The following MARK3 variants were observed in gnomAD, a reference collection of about 807,000 sequenced individuals.
MARK3 encodes MAP/microtubule affinity-regulating kinase 3.
MARK3 carries 46 observed loss-of-function variants against 90.1 expected under a neutral mutation model. That is an observed-to-expected ratio of 0.51 (90% CI 0.40 to 0.65). The LOEUF is 0.65. MARK3 is among the 30% of genes least tolerant of loss of function. The probability of loss-of-function intolerance (pLI) is 0.00; values close to 1 mark genes in which losing one functional copy is unlikely to be tolerated. For missense variants in MARK3, 818 were observed against 947.2 expected (o/e 0.86, Z 1.79); for synonymous variants, 321 against 332.6 (o/e 0.97, Z 0.38).
intron 1 of MARK3, among the ~76,000 whole-genome samples, chr14:103,392,537 GA>G (rs922002718): frequency 7.4e-4 from 111 of 150,984 alleles, no homozygotes; most frequent in African/African-American, 2.5e-3. Context: ...TATTTATTAA[GA>G]AAAAAAAATC....
Position 103,466,334 on chromosome 14 carries a change from CT to C in MARK3, c.898-3del. ...TTTACTCTGCTAATGAACAGTTTAC[CT>C]TTTTTAGCAAATCATGAAGGACAGG... On this transcript the variant is annotated splice_region_variant and splice_polypyrimidine_tract_variant and intron_variant, in intron 9 of 17. Transcript: ENST00000429436. 1.9e-6 allele frequency: 3 copies of C among 1,591,974 alleles called. No homozygotes were observed. Among genetic ancestry groups the C allele is most frequent in the Non-Finnish European group, 2.6e-6 (3 of 1,163,160 alleles).
At chr14:103,463,958 C>CAT (rs1187670683) in intron 7 of MARK3, among the ~76,000 whole-genome samples, 9 of 152,208 alleles carry the variant, frequency 5.9e-5, no homozygotes, top group African/African-American at 2.2e-4. Context: ...CTGTGTCTCA[C>CAT]ATGGGTTCTC....
At chr14:103,468,260 C>G (rs899798728) in intron 12 of MARK3, 74 bp downstream of exon 12, 1 of 1,187,002 alleles carries the variant, frequency 8.4e-7, no homozygotes, top group Admixed American at 2.5e-5. Context: ...GAAGCATTCT[C>G]TTGCTCAGAG....
intron 17 of MARK3, among the ~76,000 whole-genome samples, chr14:103,502,293 C>CT (rs1266796138): frequency 2.0e-5 from 3 of 152,230 alleles, no homozygotes; most frequent in African/African-American, 7.2e-5. Context: ...TTGAGATTTT[C>CT]TTTAACTGTA....
chr14:103,481,889 C>T (rs2093830311), intron 14 of MARK3, among the ~76,000 whole-genome samples: 1 of 149,338 alleles, frequency 6.7e-6, no homozygotes, highest in South Asian at 2.1e-4. Context: ...GCCTCAGCCT[C>T]CCGAGTAGCT....
At chr14:103,486,486 C>T (rs1018129825) in intron 14 of MARK3, among the ~76,000 whole-genome samples, 2 of 151,976 alleles carry the variant, frequency 1.3e-5, no homozygotes, top group African/African-American at 4.8e-5. Context: ...ACTATGAACC[C>T]ACAAAAACTT....
rs535389525 is a variant in MARK3, at chr14:103,480,476, T to A, written c.1572T>A (p.Asn524Lys). 244 of 1,609,970 alleles carry A rather than the reference T, an allele frequency of 1.5e-4. 3 individuals carry two copies. The South Asian group carries it at 2.6e-3, about 17-fold the overall frequency. The stretch of plus-strand genomic sequence containing the variant: ...CTGATAGACACTCAGTGATTCAGAA[T>A]GGCAAAGAAAACAGGTAGGAGATTC... The part of the protein sequence containing the change: ...TTADRHSVIQ[N>K]GKENSTIPDQ... The change falls in exon 14 of 18, where the codon AAT (asparagine) becomes AAA (lysine). Residue 524 changes from asparagine to lysine, a missense_variant. Physicochemically the swap from Asn to Lys is moderately conservative, Grantham distance 94. Transcript: ENST00000429436.
rs376631511 is a variant in MARK3, at chr14:103,491,986, G to A, written c.1796G>A (p.Arg599Gln). 21 of 1,614,068 alleles carry A rather than the reference G, an allele frequency of 1.3e-5. No individual in the cohort carries two copies. The highest frequency in any genetic ancestry group is 2.7e-5 in the African/African-American group (2 of 74,926). ...EATPLSQTRS[R>Q]GSTNLFSKLT... ...ACACCATTGTCCCAGACTCGAAGCCGAGGCTCCACTAATCTCTTTAGTAAA... is the reference window on the plus strand; with the variant it reads ...ACACCATTGTCCCAGACTCGAAGCCAAGGCTCCACTAATCTCTTTAGTAAA... Residue 599 changes from arginine to glutamine, a missense_variant, in exon 15 of 18, where the codon CGA becomes CAA. By Grantham distance (43) the Arg-to-Gln change is conservative. Transcript: ENST00000429436.
chr14:103,422,560 C>T (rs939434491), intron 2 of MARK3, among the ~76,000 whole-genome samples: 5 of 152,206 alleles, frequency 3.3e-5, no homozygotes, highest in African/African-American at 7.2e-5. Flanking sequence ...AACCATGACC[C>T]GGGCAAAAAA....
chr14:103,422,194 C>T (rs1038354712), intron 2 of MARK3, among the ~76,000 whole-genome samples: 2 of 152,194 alleles, frequency 1.3e-5, no homozygotes, highest in African/African-American at 4.8e-5. Flanking sequence ...ATGGCTCATG[C>T]CTGTGAATCC....
intron 13 of MARK3, among the ~76,000 whole-genome samples, chr14:103,478,792 G>C (rs1273751484): frequency 6.6e-6 from 1 of 152,200 alleles, no homozygotes; most frequent in African/African-American, 2.4e-5. Context: ...ACCCGCCTCG[G>C]CCTCCCAAAG....
At chr14:103,433,214 T>G (rs1359143867) in intron 3 of MARK3, among the ~76,000 whole-genome samples, 1 of 151,386 alleles carries the variant, frequency 6.6e-6, no homozygotes, top group East Asian at 2.0e-4. Context: ...GCCCCCTGAG[T>G]AGCTGGGACT....
At chr14:103,432,795 G>C (rs1189679806) in intron 3 of MARK3, among the ~76,000 whole-genome samples, 1 of 152,204 alleles carries the variant, frequency 6.6e-6, no homozygotes, top group Non-Finnish European at 1.5e-5. Flanking sequence ...GTTGGAGGCT[G>C]CAGTGAGCTG....
rs112803257 is a variant in MARK3 at position 103,407,112 on chromosome 14, G to T, written c.243+1845G>T. ...CCCACAGTGCTGGGATTACAGGCGT[G>T]AGCCACCACGCCTGGCCCATCTGGG... On this transcript the variant is annotated intron_variant, in intron 2 of 17. Coordinates refer to ENST00000429436, the MANE Select transcript of MARK3 (RefSeq NM_001128918.3). 1.4e-3 allele frequency among the ~76,000 whole-genome samples: 206 copies of T among 152,302 alleles called. 1 individual carries two copies. The highest frequency in any genetic ancestry group is 4.7e-3 in the African/African-American group (197 of 41,566).
chr14:103,465,895 G>A, intron 8 of MARK3, 77 bp from the exon 9 acceptor site: 1 of 1,563,926 alleles, frequency 6.4e-7, no homozygotes, highest in Non-Finnish European at 8.7e-7. Context: ...GGGGTTTCAG[G>A]GGGTTTTTTG....
At chr14:103,450,067 G>A (rs1404126825) in intron 4 of MARK3, among the ~76,000 whole-genome samples, 2 of 152,058 alleles carry the variant, frequency 1.3e-5, no homozygotes, top group Non-Finnish European at 2.9e-5. Context: ...TACTTTAAAG[G>A]TGTTCTTGTT....
intron 1 of MARK3, among the ~76,000 whole-genome samples, chr14:103,393,627 T>C (rs748369382): frequency 2.3e-4 from 35 of 152,234 alleles, no homozygotes; most frequent in Non-Finnish European, 5.0e-4. Flanking sequence ...ATGTAGCTCA[T>C]GATATATACA....
At chr14:103,475,468 A>C (rs143122922) in intron 13 of MARK3, among the ~76,000 whole-genome samples, 2 of 156 alleles carry the variant, frequency 0.013, no homozygotes, top group Non-Finnish European at 0.2. Flanking sequence ...TTTATTTCTT[A>C]ACAATTCTGG....
chr14:103,414,144 A>G (rs1380713342), intron 2 of MARK3, among the ~76,000 whole-genome samples: 3 of 152,106 alleles, frequency 2.0e-5, no homozygotes, highest in African/African-American at 7.2e-5. Flanking sequence ...AAAGAAACCT[A>G]AAGCCTCTGG....
Sources: gnomAD v4.1 joint callset for allele counts (sites outside exome capture counted in the v4.1 genomes callset) on GRCh38, gnomAD v4.1.1 for gene constraint, MANE v1.5 for transcripts, NCBI Gene and HGNC (gene_info 2026-07-23, HGNC 2026-07-21) for gene names.